The following GLS variants were observed in gnomAD, a reference collection of about 807,000 sequenced individuals.
The protein encoded by GLS is glutaminase kidney isoform, mitochondrial.
A neutral mutation model predicts 86.7 loss-of-function variants in GLS; 36 were observed. The observed-to-expected ratio is 0.42, with a 90% CI of 0.32 to 0.55. The LOEUF is 0.55. Ranked by LOEUF, GLS falls within the 20% of genes least tolerant of loss-of-function variation. The pLI, the probability that GLS is intolerant of heterozygous loss-of-function variation, is 0.17. For missense variants in GLS, 528 were observed against 833.4 expected, an observed-to-expected ratio of 0.63 and a Z score of 4.51; for synonymous variants, 317 against 305.9, an observed-to-expected ratio of 1.04 and a Z score of -0.38.
At chr2:190,957,976 G>A (rs922305479) in intron 17 of GLS, among the ~76,000 whole-genome samples, 3 of 152,196 alleles carry the variant, frequency 2.0e-5, no homozygotes, top group Admixed American at 2.0e-4. Context: ...AGATTCAGAA[G>A]GAATGGTACC....
At chr2:190,934,741 AC>A in intron 14 of GLS, 3 of 973,312 alleles carry the variant, frequency 3.1e-6, no homozygotes, top group Non-Finnish European at 2.4e-6. Flanking sequence ...AATTTGTGTC[AC>A]TTACTATTTT....
rs1394841503 is a variant in GLS, at chr2:190,920,733, A to T, written c.1039-291A>T. ...AGCAAATTATGTGCTGTCATGAAAG[A>T]TAAGGGAATTCATGGTAACTTGTAT... On this transcript the variant is annotated intron_variant, in intron 7 of 17. Coordinates refer to ENST00000320717, the MANE Select transcript of GLS (RefSeq NM_014905.5). The surrounding 1 kb of genome is among the most constrained non-coding windows in gnomAD (Gnocchi z 4.2). Among the ~76,000 whole-genome samples, 1 of 151,792 alleles carries T rather than the reference A, an allele frequency of 6.6e-6. No individual in the cohort carries two copies. Among genetic ancestry groups the T allele is most frequent in the Non-Finnish European group, 1.5e-5 (1 of 67,748 alleles).
At chr2:190,885,393 T>C (rs1179985674) in intron 1 of GLS, among the ~76,000 whole-genome samples, 1 of 152,186 alleles carries the variant, frequency 6.6e-6, no homozygotes, top group Non-Finnish European at 1.5e-5. Flanking sequence ...TTTCACCATG[T>C]TGGCTGGGCT....
At position 190,904,006 on chromosome 2, in the gene GLS, A is replaced by G. The variant is rs940051892; in HGVS notation, c.816-998A>G. On this transcript the variant is annotated intron_variant, in intron 5 of 17. Transcript: ENST00000320717. ...GTTGGCCAGAACTTTTTCATTCCCA[A>G]ATCTTTTCTCTACTTCATGTACTTC... is the stretch of plus-strand genomic sequence containing the variant. Among the ~76,000 whole-genome samples, 8 of 152,128 alleles carry G rather than the reference A, an allele frequency of 5.3e-5. No individual in the cohort carries two copies. The South Asian group carries it at 1.0e-3, about 20-fold the overall frequency.
In GLS at chr2:190,949,194, C is replaced by G. The variant is rs1242954844; in HGVS notation, c.1651-4371C>G. The stretch of plus-strand genomic sequence containing the variant: ...TAGCTGGACTGAAGAACCTTGAATA[C>G]AAGGCTGAAGAACTTAAATGTTATC... On this transcript the variant is annotated intron_variant, in intron 14 of 17. Coordinates refer to ENST00000320717, the MANE Select transcript of GLS (RefSeq NM_014905.5). The surrounding 1 kb of genome is among the most constrained non-coding windows in gnomAD (Gnocchi z 4.0). 1.3e-5 allele frequency among the ~76,000 whole-genome samples: 2 copies of G among 152,096 alleles called. No individual in the cohort carries two copies. The highest frequency in any genetic ancestry group is 2.1e-4 in the South Asian group (1 of 4,818).
In GLS at chr2:190,881,028, G is replaced by A. The variant is rs2125966957; in HGVS notation, c.-57G>A. 9 of 1,513,324 alleles carry A rather than the reference G, an allele frequency of 5.9e-6. No individual in the cohort carries two copies. The highest frequency in any genetic ancestry group is 2.0e-5 in the Admixed American group (1 of 49,726). 93.7% of individuals were successfully genotyped at this position (1,513,324 alleles called of 1,614,324 possible). On this transcript the variant is annotated 5_prime_UTR_variant, in exon 1 of 18. Coordinates refer to ENST00000320717, the MANE Select transcript of GLS (RefSeq NM_014905.5). ...CAGACCGCGTTCCCCGAGGAAACCG[G>A]CCGCCCACGCCCGGAGCATCCTCCC...
intron 1 of GLS, among the ~76,000 whole-genome samples, chr2:190,883,010 C>T (rs974941238): frequency 6.6e-6 from 1 of 152,136 alleles, no homozygotes; most frequent in South Asian, 2.1e-4. Flanking sequence ...TTTAAAAGTT[C>T]ATCTTAAAGG....
chr2:190,926,311 G>T (rs1176275108), intron 11 of GLS, among the ~76,000 whole-genome samples: 1 of 152,106 alleles, frequency 6.6e-6, no homozygotes, highest in Non-Finnish European at 1.5e-5. Context: ...ATTGCAAGTC[G>T]ATTCTGTCGT....
chr2:190,880,914 A>AGCAGCACCC lies in GLS; in HGVS notation c.-167_-159dup. 1.1e-6 allele frequency: 1 copy of AGCAGCACCC among 938,330 alleles called. No homozygotes were observed. The highest frequency in any genetic ancestry group is 1.6e-6 in the Non-Finnish European group (1 of 622,658). 58.1% of individuals were successfully genotyped at this position (938,330 alleles called of 1,614,324 possible). A position where few individuals can be genotyped will look rare whatever the true frequency, so the allele number is the denominator to read the frequency against. Reference sequence around the variant, plus strand: ...CAGCAGCAGCAGCAGCAGCAGCAGCAGCAGCACCCGCATCCGCTGCGGGAG... The same window carrying AGCAGCACCC: ...CAGCAGCAGCAGCAGCAGCAGCAGCAGCAGCACCCGCAGCACCCGCATCCGCTGCGGGAG... On this transcript the variant is annotated 5_prime_UTR_variant, in exon 1 of 18. Coordinates refer to ENST00000320717, the MANE Select transcript of GLS (RefSeq NM_014905.5).
rs927752461 is a variant in GLS at position 190,935,919 on chromosome 2, G to A, written c.1650+4282G>A. On this transcript the variant is annotated intron_variant, in intron 14 of 17. Coordinates refer to ENST00000320717, the MANE Select transcript of GLS (RefSeq NM_014905.5). The surrounding 1 kb of genome is among the most constrained non-coding windows in gnomAD (Gnocchi z 4.2). ...ACAAATTATAGAGGCTCCATGTATTGTAGGTCAAATATAGTACTTTACATT... is the reference window on the plus strand; with the variant it reads ...ACAAATTATAGAGGCTCCATGTATTATAGGTCAAATATAGTACTTTACATT... Among the ~76,000 whole-genome samples, 3 of 151,088 alleles carry A rather than the reference G, an allele frequency of 2.0e-5. No homozygotes were observed. Among genetic ancestry groups the A allele is most frequent in the African/African-American group, 7.3e-5 (3 of 41,340 alleles).
chr2:190,923,160 T>A (rs568289454), intron 9 of GLS, among the ~76,000 whole-genome samples: 1 of 152,344 alleles, frequency 6.6e-6, no homozygotes, highest in Admixed American at 6.5e-5. Flanking sequence ...TTTCCCCTTT[T>A]TCAAACTGAT....
rs1689451502 is a variant in GLS at position 190,914,257 on chromosome 2, A to G, written c.1038+3936A>G. On this transcript the variant is annotated intron_variant, in intron 7 of 17. Coordinates refer to ENST00000320717, the MANE Select transcript of GLS (RefSeq NM_014905.5). The surrounding 1 kb of genome is among the most constrained non-coding windows in gnomAD (Gnocchi z 4.4). ...ATCAAGACAAGCTTAGTTAATGTAT[A>G]TGTGATGTTCAGTTTGGTTATGTTA... 6.6e-6 allele frequency among the ~76,000 whole-genome samples: 1 copy of G among 152,154 alleles called. No homozygotes were observed. Among genetic ancestry groups the G allele is most frequent in the South Asian group, 2.1e-4 (1 of 4,832 alleles).
In GLS at chr2:190,921,397, A is replaced by C. The variant is rs1689731824; in HGVS notation, c.1130+194A>C. On this transcript the variant is annotated intron_variant, in intron 9 of 17. Coordinates refer to ENST00000320717, the MANE Select transcript of GLS (RefSeq NM_014905.5). This position sits in a 1 kb window ranked among gnomAD's most constrained non-coding sequence, Gnocchi z 4.2. ...CAGAAGAGACCCCAAGTTTATCTCA[A>C]ATTACTGGTGCTTATTCAGTTTTAT... Among the ~76,000 whole-genome samples the C allele has an allele frequency of 6.6e-6, 1 of 151,894 alleles. No individual in the cohort carries two copies. The highest frequency in any genetic ancestry group is 1.5e-5 in the Non-Finnish European group (1 of 67,814).
At chr2:190,958,252 G>A (rs1245551472) in intron 17 of GLS, among the ~76,000 whole-genome samples, 1 of 152,166 alleles carries the variant, frequency 6.6e-6, no homozygotes, top group Non-Finnish European at 1.5e-5. Flanking sequence ...TCTGATGGTA[G>A]TTTGTATTTC....
In GLS at chr2:190,920,937, T is replaced by C. The variant is rs189885383; in HGVS notation, c.1039-87T>C. 4.2e-4 allele frequency: 294 copies of C among 707,380 alleles called. 2 individuals carry two copies. In the African/African-American group the frequency reaches 5.0e-3, roughly 12 times the overall value. 43.8% of individuals were successfully genotyped at this position (707,380 alleles called of 1,614,324 possible). On this transcript the variant is annotated intron_variant, in intron 7 of 17. Transcript: ENST00000320717. The surrounding 1 kb of genome is among the most constrained non-coding windows in gnomAD (Gnocchi z 4.2). ...AAAATACTAATGCAGTATATTATAA[T>C]AGTAGCTTTGAAATTTTGATATTGG...
At chr2:190,961,361 C>T (rs1334574402) in intron 17 of GLS, among the ~76,000 whole-genome samples, 2 of 152,104 alleles carry the variant, frequency 1.3e-5, no homozygotes, top group Admixed American at 1.3e-4. Context: ...CCACGCCCAG[C>T]TAATTTTTGT....
chr2:190,892,292 GAGA>G (rs1688592640), intron 1 of GLS, among the ~76,000 whole-genome samples: 1 of 152,144 alleles, frequency 6.6e-6, no homozygotes, highest in Non-Finnish European at 1.5e-5. Flanking sequence ...GTATAAGTTG[GAGA>G]AGAAGTAAAA....
Position 190,963,600 on chromosome 2 carries a change from G to C in GLS, c.*614G>C, listed in dbSNP as rs775969646. The C allele has an allele frequency of 3.9e-5, 6 of 152,642 alleles. No homozygotes were observed. Among genetic ancestry groups the C allele is most frequent in the Non-Finnish European group, 5.9e-5 (4 of 68,036 alleles). 9.5% of individuals were successfully genotyped at this position (152,642 alleles called of 1,614,324 possible). On this transcript the variant is annotated 3_prime_UTR_variant, in exon 18 of 18. Coordinates refer to ENST00000320717, the MANE Select transcript of GLS (RefSeq NM_014905.5). ...TTAAGATATGTTTGGTGACCAAAAC[G>C]TATGTGTGAATGTAGTTATAATGCT...
At chr2:190,885,634 CTG>C (rs2125973579) in intron 1 of GLS, among the ~76,000 whole-genome samples, 1 of 152,248 alleles carries the variant, frequency 6.6e-6, no homozygotes, top group East Asian at 1.9e-4. Flanking sequence ...GACAAAACCT[CTG>C]TTAAAATGGG....
Sources: allele counts gnomAD v4.1 joint callset (sites outside exome capture counted in the v4.1 genomes callset), GRCh38; gene constraint gnomAD v4.1.1; non-coding constraint Gnocchi (gnomAD v3.1); transcripts MANE v1.5; gene names NCBI Gene and HGNC (gene_info 2026-07-23, HGNC 2026-07-21).